Variants in PRR5 observed in about 807,000 individuals in gnomAD.
The protein encoded by PRR5 is proline rich 5, also known as proline-rich protein 5.
In PRR5, 25 loss-of-function variants were observed where a neutral mutation model predicts 30.6. The ratio of observed to expected loss-of-function variants is 0.82; its 90% confidence interval spans 0.60 to 1.14. PRR5 has a LOEUF of 1.14. Ranked by LOEUF, PRR5 falls within the 50% of genes most tolerant of loss-of-function variation. PRR5 has a pLI of 0.00. For synonymous variants in PRR5, 286 were observed against 247.1 expected, an observed-to-expected ratio of 1.16 and a Z score of -1.48; for missense variants, 600 against 547.1, an observed-to-expected ratio of 1.10 and a Z score of -0.96.
chr22:44,695,629 G>A (rs1008971088), intron 1 of PRR5, among the ~76,000 whole-genome samples: 8 of 151,898 alleles, frequency 5.3e-5, no homozygotes, highest in Non-Finnish European at 8.8e-5. Flanking sequence ...ACAGAGTTTT[G>A]CTCCTGCCAC....
chr22:44,698,931 G>A (rs1216596916), upstream of PRR5, among the ~76,000 whole-genome samples: 2 of 152,270 alleles, frequency 1.3e-5, no homozygotes, highest in East Asian at 3.9e-4. Context: ...CCCCGGGGCA[G>A]CCCCGCAGCT....
chr22:44,703,811 A>C (rs1926756445), intron 1 of PRR5, among the ~76,000 whole-genome samples: 1 of 152,140 alleles, frequency 6.6e-6, no homozygotes, highest in Non-Finnish European at 1.5e-5. Flanking sequence ...TGAGCCAGGG[A>C]AGTCGAGGCT....
intron 1 of PRR5, among the ~76,000 whole-genome samples, chr22:44,709,494 C>T (rs959668697): frequency 5.9e-5 from 9 of 152,174 alleles, no homozygotes; most frequent in Admixed American, 5.9e-4. Context: ...GGTATTTCTC[C>T]CCCCGCCCGA....
intron 1 of PRR5, among the ~76,000 whole-genome samples, chr22:44,690,661 C>T (rs943868144): frequency 1.2e-4 from 18 of 152,330 alleles, no homozygotes; most frequent in East Asian, 1.2e-3. Context: ...GGTGAAGCCG[C>T]GATCCTCTGG....
intron 1 of PRR5, among the ~76,000 whole-genome samples, chr22:44,708,901 A>C (rs1204824401): frequency 7.5e-6 from 1 of 133,568 alleles, no homozygotes; most frequent in East Asian, 2.5e-4. Context: ...TGGGAGGTAG[A>C]GGTTGTAGTG....
At chr22:44,689,798 G>A (rs1460018763) in intron 1 of PRR5, among the ~76,000 whole-genome samples, 6 of 152,186 alleles carry the variant, frequency 3.9e-5, no homozygotes, top group Admixed American at 1.3e-4. Flanking sequence ...ACAGGCGCCC[G>A]CCACCACGCC....
Position 44,702,211 on chromosome 22 carries a change from G to C in PRR5, c.-264G>C. On this transcript the variant is annotated 5_prime_UTR_variant, in exon 1 of 8. Coordinates refer to ENST00000336985, the MANE Select transcript of PRR5 (RefSeq NM_181333.4). The stretch of plus-strand genomic sequence containing the variant: ...GCCCCCGGGTCCGCCCCCGGCCTCC[G>C]TTTGCGCCGGGTCTGTGCTGGCCGC... The C allele has an allele frequency of 2.9e-6, 3 of 1,024,352 alleles. No homozygotes were observed. The highest frequency in any genetic ancestry group is 4.2e-4 in the Middle Eastern group (1 of 2,356). 63.5% of individuals were successfully genotyped at this position (1,024,352 alleles called of 1,614,324 possible).
chr22:44,682,879 C>G (rs1324168006), intron 1 of PRR5, among the ~76,000 whole-genome samples: 2 of 152,226 alleles, frequency 1.3e-5, no homozygotes, highest in Non-Finnish European at 2.9e-5. Flanking sequence ...CTGGACAGTA[C>G]TGTCCTCTAA....
rs1484202198 is a variant in PRR5, at chr22:44,689,698, G to C, written c.-11+12458G>C. On this transcript the variant is annotated intron_variant, in intron 1 of 8. Coordinates refer to the PRR5 transcript ENST00000006251. ...GAGTCTCGCTCTATCACCCAGGCTG[G>C]AGTGCAGTGGCGTGATCTCGGCTCA... is the stretch of plus-strand genomic sequence containing the variant. Among the ~76,000 whole-genome samples the C allele has an allele frequency of 2.0e-5, 3 of 152,216 alleles. No homozygotes were observed. In the East Asian group the frequency reaches 5.8e-4, roughly 29 times the overall value.
chr22:44,692,574 C>G (rs887635989), intron 1 of PRR5, among the ~76,000 whole-genome samples: 1 of 151,758 alleles, frequency 6.6e-6, no homozygotes, highest in Admixed American at 6.6e-5. Context: ...ACCCAGGGCT[C>G]CTCCTCCCGG....
intron 4 of PRR5, chr22:44,731,305 C>G: frequency 3.6e-6 from 1 of 280,716 alleles, no homozygotes; most frequent in Admixed American, 4.5e-5. Flanking sequence ...GCGGGTCTCA[C>G]CTGTGTCAGG....
At chr22:44,715,126 C>G (rs1394671973) in intron 2 of PRR5, among the ~76,000 whole-genome samples, 1 of 152,212 alleles carries the variant, frequency 6.6e-6, no homozygotes, top group East Asian at 1.9e-4. Context: ...CTGTGAATAG[C>G]CGGGAAATGA....
intron 6 of PRR5, chr22:44,734,732 C>T (rs1027415459): frequency 1.1e-5 from 5 of 457,296 alleles, no homozygotes; most frequent in Middle Eastern, 5.7e-4. Flanking sequence ...AGGGCCCCTC[C>T]GAGGGGTGGA....
At chr22:44,675,385 G>T (rs975571383), upstream of PRR5, among the ~76,000 whole-genome samples, 1 of 152,302 alleles carries the variant, frequency 6.6e-6, no homozygotes, top group South Asian at 2.1e-4. Flanking sequence ...GAGCCACCAC[G>T]TCTGGCCTGT....
At chr22:44,714,804 C>A in intron 2 of PRR5, 133 bp downstream of exon 2, 2 of 1,241,250 alleles carry the variant, frequency 1.6e-6, no homozygotes, top group Non-Finnish European at 2.2e-6. Flanking sequence ...CATCTGTCAA[C>A]AGGAGAGCGA....
At chr22:44,710,056 A>C (rs552549871) in intron 1 of PRR5, among the ~76,000 whole-genome samples, 23 of 151,842 alleles carry the variant, frequency 1.5e-4, no homozygotes, top group African/African-American at 5.6e-4. Flanking sequence ...CATGCTGGGG[A>C]GGTGGAGGGT....
At chr22:44,735,237 C>A in intron 7 of PRR5, 75 bp downstream of exon 7, 2 of 1,477,386 alleles carry the variant, frequency 1.4e-6, no homozygotes, top group South Asian at 1.2e-5. Context: ...AATGGGCAAG[C>A]CGAGGCCCCA....
At chr22:44,678,626 T>C (rs1273056080) in intron 1 of PRR5, among the ~76,000 whole-genome samples, 1 of 152,200 alleles carries the variant, frequency 6.6e-6, no homozygotes, top group Non-Finnish European at 1.5e-5. Context: ...GCTAGTTCTT[T>C]AAGCCGCTGC....
intron 1 of PRR5, among the ~76,000 whole-genome samples, chr22:44,684,960 G>A (rs1924613563): frequency 6.6e-6 from 1 of 152,176 alleles, no homozygotes; most frequent in Non-Finnish European, 1.5e-5. Flanking sequence ...CGGGACTCAG[G>A]GCCCGGCACG....
Sources: gnomAD v4.1 joint callset for allele counts (sites outside exome capture counted in the v4.1 genomes callset) on GRCh38, gnomAD v4.1.1 for gene constraint, MANE v1.5 for transcripts, NCBI Gene and HGNC (gene_info 2026-07-23, HGNC 2026-07-21) for gene names.